CADM2: variants seen among roughly 807,000 people sequenced by gnomAD.
CADM2 encodes immunoglobulin superfamily member 4D.
CADM2 carries 12 observed loss-of-function variants against 49.8 expected under a neutral mutation model. The ratio of observed to expected loss-of-function variants is 0.24; its 90% CI spans 0.15 to 0.39. The LOEUF (loss-of-function observed/expected upper bound fraction) is 0.39. Among genes scored for constraint, CADM2 ranks in the 10% least tolerant of loss-of-function variants. The pLI, the probability that CADM2 is intolerant of heterozygous loss-of-function variation, is 1.00. For missense variants in CADM2, 378 were observed against 492.3 expected (o/e 0.77, Z 2.20); for synonymous variants, 214 against 175.4 (o/e 1.22, Z -1.74).
At chr3:85,637,617 A>AT (rs1214548931) in intron 1 of CADM2, among the ~76,000 whole-genome samples, 3 of 55,032 alleles carry the variant, frequency 5.5e-5, no homozygotes, top group Admixed American at 2.1e-4. Context: ...TCAAAAAAAA[A>AT]AAAAAAAATA....
intron 2 of CADM2, among the ~76,000 whole-genome samples, chr3:85,730,293 A>T (rs754021515): frequency 6.6e-6 from 1 of 151,874 alleles, no homozygotes; most frequent in South Asian, 2.1e-4. Flanking sequence ...AATACAAAAA[A>T]TAGGCAGGTG....
At chr3:85,771,929 G>T (rs1226571743) in intron 2 of CADM2, among the ~76,000 whole-genome samples, 2 of 151,674 alleles carry the variant, frequency 1.3e-5, no homozygotes, top group Non-Finnish European at 2.9e-5. Flanking sequence ...ATCAAGAAAG[G>T]TGAAGTTTTT....
chr3:85,165,051 C>G (rs2040433026), intron 1 of CADM2, among the ~76,000 whole-genome samples: 1 of 151,468 alleles, frequency 6.6e-6, no homozygotes, highest in Admixed American at 6.6e-5. Flanking sequence ...ATTTAAAAGT[C>G]AATAGCTACA....
chr3:85,912,564 C>G (rs1212224880), intron 6 of CADM2, 21 bp downstream of exon 6: 1 of 1,595,596 alleles, frequency 6.3e-7, no homozygotes, highest in Non-Finnish European at 8.6e-7. Context: ...ACTACTTCCC[C>G]CTCCTTTATC....
chr3:85,275,021 A>C (rs1448368745), intron 1 of CADM2, among the ~76,000 whole-genome samples: 1 of 151,458 alleles, frequency 6.6e-6, no homozygotes, highest in Non-Finnish European at 1.5e-5. Context: ...CTAGCCATAG[A>C]ATCTAATGAG....
chr3:85,491,876 G>A (rs1576649528), intron 1 of CADM2, among the ~76,000 whole-genome samples: 1 of 151,640 alleles, frequency 6.6e-6, no homozygotes, highest in African/African-American at 2.4e-5. Flanking sequence ...GGCGTGAATC[G>A]GGCAGGCGGA....
At chr3:85,488,022 C>G (rs921736113) in intron 1 of CADM2, among the ~76,000 whole-genome samples, 12 of 152,018 alleles carry the variant, frequency 7.9e-5, no homozygotes, top group Admixed American at 4.6e-4. Context: ...AGATATTACC[C>G]AGAATATCAT....
intron 1 of CADM2, among the ~76,000 whole-genome samples, chr3:85,168,323 G>A (rs557610249): frequency 6.6e-6 from 1 of 152,208 alleles, no homozygotes; most frequent in South Asian, 2.1e-4. Flanking sequence ...CCAAAGTGCT[G>A]TGATTACAGG....
At chr3:85,261,590 C>G (rs72917173) in intron 1 of CADM2, among the ~76,000 whole-genome samples, 10,070 of 151,892 alleles carry the variant, frequency 0.066, 1,100 homozygotes, top group African/African-American at 0.23. Flanking sequence ...CAGTGAGTAT[C>G]CTATTTTTAT....
chr3:86,003,510 G>T lies in CADM2; in HGVS notation c.970+41863G>T, dbSNP rs531683670. Among the ~76,000 whole-genome samples, 205 of 152,236 alleles carry T rather than the reference G, an allele frequency of 1.3e-3. 2 individuals carry two copies. Among genetic ancestry groups the T allele is most frequent in the Non-Finnish European group, 1.7e-3 (115 of 68,012 alleles). On this transcript the variant is annotated intron_variant, in intron 8 of 9. Coordinates refer to ENST00000383699, the MANE Select transcript of CADM2 (RefSeq NM_001167675.2). ...TTAAGAAAACCTACCTCATAGAATTGCTGTGACTACAATAATATTGCTGTG... is the reference window on the plus strand; with the variant it reads ...TTAAGAAAACCTACCTCATAGAATTTCTGTGACTACAATAATATTGCTGTG...
At chr3:85,535,359 TCCAACGC>T (rs1393347398) in intron 1 of CADM2, among the ~76,000 whole-genome samples, 1 of 152,132 alleles carries the variant, frequency 6.6e-6, no homozygotes, top group East Asian at 1.9e-4. Flanking sequence ...ACTCTCTGTT[TCCAACGC>T]CTCCATGGGC....
At chr3:85,758,049 C>T (rs1266915479) in intron 2 of CADM2, among the ~76,000 whole-genome samples, 3 of 152,012 alleles carry the variant, frequency 2.0e-5, no homozygotes, top group Non-Finnish European at 4.4e-5. Context: ...ATATTATTGA[C>T]GTGGCAGTGC....
intron 2 of CADM2, among the ~76,000 whole-genome samples, chr3:85,781,429 A>G (rs1577298100): frequency 6.6e-6 from 1 of 152,106 alleles, no homozygotes; most frequent in Non-Finnish European, 1.5e-5. Context: ...CTGATTGTCT[A>G]CATGGTGCAA....
chr3:85,752,418 C>G (rs1309486261), intron 2 of CADM2, among the ~76,000 whole-genome samples: 1 of 151,518 alleles, frequency 6.6e-6, no homozygotes, highest in Non-Finnish European at 1.5e-5. Context: ...TTTAACATCT[C>G]TCCTCCCTTC....
chr3:84,959,477 C>T lies in CADM2; in HGVS notation c.-131C>T. The T allele has an allele frequency of 2.3e-6, 2 of 867,024 alleles. No individual in the cohort carries two copies. Among genetic ancestry groups the T allele is most frequent in the Admixed American group, 2.4e-5 (1 of 42,066 alleles). 53.7% of individuals were successfully genotyped at this position (867,024 alleles called of 1,614,324 possible). A position where few individuals can be genotyped will look rare whatever the true frequency, so the allele number is the denominator to read the frequency against. ...GATCCGAGTCCGCGGGTTCGAACAC[C>T]GCAGCGGTGGGGACGGTGGGTCCGG... On this transcript the variant is annotated 5_prime_UTR_variant, in exon 1 of 10. Coordinates refer to ENST00000383699, the MANE Select transcript of CADM2 (RefSeq NM_001167675.2).
intron 2 of CADM2, among the ~76,000 whole-genome samples, chr3:85,730,439 C>CA (rs1190277280): frequency 9.3e-5 from 9 of 97,150 alleles, no homozygotes; most frequent in Non-Finnish European, 1.3e-4. Flanking sequence ...CAGACTCTGT[C>CA]TAAATAAAAT....
intron 1 of CADM2, among the ~76,000 whole-genome samples, chr3:84,986,380 T>A (rs2032552767): frequency 6.6e-6 from 1 of 152,126 alleles, no homozygotes; most frequent in South Asian, 2.1e-4. Flanking sequence ...AGCAATTGCC[T>A]CACTCCATCT....
At chr3:85,926,137 A>AAAAC (rs538432802) in intron 6 of CADM2, among the ~76,000 whole-genome samples, 2 of 143,610 alleles carry the variant, frequency 1.4e-5, no homozygotes, top group Middle Eastern at 3.6e-3. Context: ...CTCTGTCTCA[A>AAAAC]AAATAAATAA....
At chr3:85,068,441 T>C (rs1461836356) in intron 1 of CADM2, among the ~76,000 whole-genome samples, 2 of 152,110 alleles carry the variant, frequency 1.3e-5, no homozygotes, top group African/African-American at 4.8e-5. Flanking sequence ...GAGAGCTCCA[T>C]ATGTTAAGTT....
Sources: gnomAD v4.1 joint callset for allele counts (sites outside exome capture counted in the v4.1 genomes callset) on GRCh38, gnomAD v4.1.1 for gene constraint, MANE v1.5 for transcripts, NCBI Gene and HGNC (gene_info 2026-07-23, HGNC 2026-07-21) for gene names.